LSAMP: variants seen among roughly 807,000 people sequenced by gnomAD.
LSAMP encodes limbic system associated membrane protein.
In LSAMP, 7 loss-of-function variants were observed where a neutral mutation model predicts 38.6. The ratio of observed to expected loss-of-function variants is 0.18; its 90% CI spans 0.10 to 0.34. LSAMP has a LOEUF of 0.34. LSAMP is among the 10% of genes least tolerant of loss of function. The pLI is 1.00. For synonymous variants in LSAMP, 154 were observed against 166.8 expected (o/e 0.92, Z 0.59); for missense variants, 313 against 420.0 (o/e 0.75, Z 2.23).
chr3:116,383,686 T>C (rs1008963756), intron 1 of LSAMP, among the ~76,000 whole-genome samples: 1 of 151,944 alleles, frequency 6.6e-6, no homozygotes, highest in Non-Finnish European at 1.5e-5. Flanking sequence ...TGTTTAAAAG[T>C]TTATAGAAAA....
At chr3:116,355,503 A>G (rs2048211316) in intron 1 of LSAMP, among the ~76,000 whole-genome samples, 1 of 152,218 alleles carries the variant, frequency 6.6e-6, no homozygotes, top group Admixed American at 6.5e-5. Context: ...AACATTGGAT[A>G]AACTCTCCAC....
At chr3:116,317,633 G>A (rs2047650032) in intron 1 of LSAMP, among the ~76,000 whole-genome samples, 1 of 151,806 alleles carries the variant, frequency 6.6e-6, no homozygotes, top group Non-Finnish European at 1.5e-5. Context: ...GGGATTACAG[G>A]CGTGAGCCCC....
At chr3:116,399,888 A>G (rs1307616562) in intron 1 of LSAMP, among the ~76,000 whole-genome samples, 1 of 152,212 alleles carries the variant, frequency 6.6e-6, no homozygotes, top group Non-Finnish European at 1.5e-5. Context: ...AGACACAGCA[A>G]GAGACTGTAT....
At chr3:116,206,350 A>G (rs1457171377) in intron 1 of LSAMP, among the ~76,000 whole-genome samples, 6 of 150,224 alleles carry the variant, frequency 4.0e-5, no homozygotes, top group Non-Finnish European at 8.9e-5. Context: ...CTTTCAAAAA[A>G]CCAGCTCCTG....
chr3:116,105,926 C>T (rs1471115341), intron 1 of LSAMP, among the ~76,000 whole-genome samples: 59 of 150,558 alleles, frequency 3.9e-4, no homozygotes, highest in Middle Eastern at 3.4e-3. Flanking sequence ...GGATTAGGGG[C>T]GGCGTGGGAA....
chr3:116,150,758 C>T (rs553582159), intron 1 of LSAMP, among the ~76,000 whole-genome samples: 1 of 151,894 alleles, frequency 6.6e-6, no homozygotes, highest in East Asian at 1.9e-4. Flanking sequence ...TTTAACTTGA[C>T]CCTGAAATGT....
chr3:116,194,359 C>T (rs913158264), intron 1 of LSAMP, among the ~76,000 whole-genome samples: 2 of 151,658 alleles, frequency 1.3e-5, no homozygotes, highest in Non-Finnish European at 2.9e-5. Flanking sequence ...AACTGCAGTA[C>T]TGATGTGGGG....
chr3:116,129,382 G>A (rs1008584961), intron 1 of LSAMP, among the ~76,000 whole-genome samples: 3 of 152,116 alleles, frequency 2.0e-5, no homozygotes, highest in Non-Finnish European at 4.4e-5. Context: ...TATTTGCTCT[G>A]AAAATACCCA....
At chr3:116,406,186 C>T (rs569258551) in intron 1 of LSAMP, among the ~76,000 whole-genome samples, 3 of 152,132 alleles carry the variant, frequency 2.0e-5, no homozygotes, top group Non-Finnish European at 2.9e-5. Context: ...CTCACTTATT[C>T]GAGACTTGGG....
At chr3:116,265,708 G>A (rs555325816) in intron 1 of LSAMP, among the ~76,000 whole-genome samples, 1 of 152,088 alleles carries the variant, frequency 6.6e-6, no homozygotes, top group South Asian at 2.1e-4. Flanking sequence ...TAATCTAATT[G>A]TGGTTAATCT....
At chr3:115,892,586 G>A (rs1156481027) in intron 3 of LSAMP, among the ~76,000 whole-genome samples, 1 of 151,770 alleles carries the variant, frequency 6.6e-6, no homozygotes, top group Non-Finnish European at 1.5e-5. Flanking sequence ...GCATAAGGGG[G>A]GTTTCGGGAG....
At chr3:116,274,768 G>A (rs1559808835) in intron 1 of LSAMP, among the ~76,000 whole-genome samples, 2 of 151,574 alleles carry the variant, frequency 1.3e-5, no homozygotes, top group African/African-American at 4.8e-5. Flanking sequence ...TAGGCAAAAG[G>A]TTTTGTGCCT....
intron 3 of LSAMP, among the ~76,000 whole-genome samples, chr3:115,862,888 T>G (rs373965888): frequency 6.6e-6 from 1 of 152,128 alleles, no homozygotes; most frequent in Non-Finnish European, 1.5e-5. Context: ...CCAGCTGCAG[T>G]GTCAGGAGCG....
chr3:116,148,522 G>A (rs1709538782), intron 1 of LSAMP, among the ~76,000 whole-genome samples: 1 of 151,918 alleles, frequency 6.6e-6, no homozygotes, highest in Admixed American at 6.6e-5. Flanking sequence ...GCAAATAAAA[G>A]TTGTTTGGGG....
intron 2 of LSAMP, among the ~76,000 whole-genome samples, chr3:116,021,310 C>T (rs1396169302): frequency 6.6e-6 from 1 of 151,890 alleles, no homozygotes; most frequent in East Asian, 1.9e-4. Flanking sequence ...AGATCATATA[C>T]ATTTTACAGG....
intron 1 of LSAMP, among the ~76,000 whole-genome samples, chr3:116,373,205 T>C (rs1413537563): frequency 1.3e-5 from 2 of 151,406 alleles, no homozygotes; most frequent in Non-Finnish European, 3.0e-5. Flanking sequence ...AAAACGTGTT[T>C]TTTATATATA....
chr3:115,850,105 C>T (rs1318062331), intron 4 of LSAMP, among the ~76,000 whole-genome samples: 2 of 152,186 alleles, frequency 1.3e-5, no homozygotes, highest in Non-Finnish European at 2.9e-5. Context: ...TGTCCATATT[C>T]TGTGGTTCAC....
At chr3:116,235,320 T>G (rs2046451143) in intron 1 of LSAMP, among the ~76,000 whole-genome samples, 1 of 152,038 alleles carries the variant, frequency 6.6e-6, no homozygotes, top group Non-Finnish European at 1.5e-5. Flanking sequence ...CTCACTATGT[T>G]GCATAGACTG....
chr3:116,263,271 C>T (rs1431305824), intron 1 of LSAMP, among the ~76,000 whole-genome samples: 2 of 152,134 alleles, frequency 1.3e-5, no homozygotes, highest in East Asian at 3.8e-4. Flanking sequence ...GGTGCGGTGG[C>T]TCATGCCTGT....
Sources: allele counts gnomAD v4.1 joint callset (sites outside exome capture counted in the v4.1 genomes callset), GRCh38; gene constraint gnomAD v4.1.1; transcripts MANE v1.5; gene names NCBI Gene and HGNC (gene_info 2026-07-23, HGNC 2026-07-21).